Variants in SETD7 observed in about 807,000 individuals in gnomAD.
SETD7 encodes SET domain containing 7, histone lysine methyltransferase.
In SETD7, 16 loss-of-function variants were observed where a neutral mutation model predicts 41.8. That is an observed-to-expected ratio of 0.38 (90% CI 0.26 to 0.58). The LOEUF is 0.58. Ranked by LOEUF, SETD7 falls within the 20% of genes least tolerant of loss-of-function variation. SETD7 has a pLI of 0.64. For missense variants in SETD7, 346 were observed against 459.7 expected (o/e 0.75, Z 2.26); for synonymous variants, 163 against 169.7 (o/e 0.96, Z 0.31).
At chr4:139,516,453 G>A (rs1199997081) in intron 7 of SETD7, among the ~76,000 whole-genome samples, 5 of 125,088 alleles carry the variant, frequency 4.0e-5, no homozygotes, top group South Asian at 5.7e-4. Flanking sequence ...GAGACTGAGC[G>A]AGACTCTGTC....
At chr4:139,531,646 A>T (rs1727484911) in intron 3 of SETD7, among the ~76,000 whole-genome samples, 1 of 152,254 alleles carries the variant, frequency 6.6e-6, no homozygotes, top group South Asian at 2.1e-4. Context: ...GTTTTACAAC[A>T]TTCTTTTCTT....
chr4:139,502,994 G>T (rs1726614424), downstream of SETD7, among the ~76,000 whole-genome samples: 1 of 151,716 alleles, frequency 6.6e-6, no homozygotes, highest in African/African-American at 2.4e-5. Flanking sequence ...ACCAGACTGG[G>T]CGGTGAAACC....
At chr4:139,500,008 T>C (rs1394229993) in intron 7 of SETD7, among the ~76,000 whole-genome samples, 4 of 152,232 alleles carry the variant, frequency 2.6e-5, no homozygotes, top group Non-Finnish European at 5.9e-5. Context: ...AGTATAAAAA[T>C]GGCCAATTTC....
At chr4:139,502,363 G>A (rs1033779937), downstream of SETD7, among the ~76,000 whole-genome samples, 1 of 152,188 alleles carries the variant, frequency 6.6e-6, no homozygotes, top group African/African-American at 2.4e-5. Flanking sequence ...TCGGAATGCT[G>A]GGGGAGGAGA....
chr4:139,493,149 A>T (rs1159547750), downstream of SETD7, among the ~76,000 whole-genome samples: 1 of 152,210 alleles, frequency 6.6e-6, no homozygotes, highest in Non-Finnish European at 1.5e-5. Flanking sequence ...ACACAAAATA[A>T]CTGTGGATTA....
downstream of SETD7, among the ~76,000 whole-genome samples, chr4:139,501,409 A>G (rs1279711023): frequency 2.1e-5 from 3 of 141,978 alleles, no homozygotes; most frequent in Non-Finnish European, 4.6e-5. Context: ...TCAGAGTGAC[A>G]TAATGGACTT....
At chr4:139,545,811 T>C (rs745451380) in intron 2 of SETD7, among the ~76,000 whole-genome samples, 1 of 152,234 alleles carries the variant, frequency 6.6e-6, no homozygotes, top group Non-Finnish European at 1.5e-5. Flanking sequence ...CTATTACCAA[T>C]GTCAGGAGTT....
Position 139,507,364 on chromosome 4 carries a change from G to A in SETD7, c.*4299C>T, listed in dbSNP as rs770894267. On this transcript the variant is annotated 3_prime_UTR_variant, in exon 8 of 8. Coordinates refer to ENST00000274031, the MANE Select transcript of SETD7 (RefSeq NM_030648.4). ...CGGCTGAGGCACTGGGGAAGCCTACGAGCTCTCTCCACGTCAGGTGCAACA... is the reference window on the plus strand; with the variant it reads ...CGGCTGAGGCACTGGGGAAGCCTACAAGCTCTCTCCACGTCAGGTGCAACA... 3.3e-5 allele frequency: 5 copies of A among 152,504 alleles called. No homozygotes were observed. The highest frequency in any genetic ancestry group is 7.3e-5 in the Non-Finnish European group (5 of 68,044). 9.4% of individuals were successfully genotyped at this position (152,504 alleles called of 1,614,324 possible). A position where few individuals can be genotyped will look rare whatever the true frequency, so the allele number is the denominator to read the frequency against.
chr4:139,503,512 T>C (rs1335315616), downstream of SETD7, among the ~76,000 whole-genome samples: 2 of 152,156 alleles, frequency 1.3e-5, no homozygotes, highest in Non-Finnish European at 2.9e-5. Flanking sequence ...GTGGTAACAG[T>C]ACCTATATAT....
rs1380759623 is a variant in SETD7, at chr4:139,511,406, A to G, written c.*257T>C. The G allele has an allele frequency of 2.1e-6, 1 of 471,486 alleles. No individual in the cohort carries two copies. The highest frequency in any genetic ancestry group is 3.6e-6 in the Non-Finnish European group (1 of 277,636). 29.2% of individuals were successfully genotyped at this position (471,486 alleles called of 1,614,324 possible). On this transcript the variant is annotated 3_prime_UTR_variant, in exon 8 of 8. Coordinates refer to ENST00000274031, the MANE Select transcript of SETD7 (RefSeq NM_030648.4). Reference sequence around the variant, plus strand: ...GGTACAGATTTAGACTTGAACCACCAAAGAACATCACGCTGTCTTATGTCA... The same window carrying G: ...GGTACAGATTTAGACTTGAACCACCGAAGAACATCACGCTGTCTTATGTCA...
chr4:139,519,185 A>T (rs763588928), intron 6 of SETD7, among the ~76,000 whole-genome samples: 4 of 152,182 alleles, frequency 2.6e-5, no homozygotes, highest in Non-Finnish European at 5.9e-5. Context: ...GGCTGCCATT[A>T]GTTGTGTATT....
chr4:139,516,434 C>G (rs934446063), intron 7 of SETD7, among the ~76,000 whole-genome samples: 3 of 145,378 alleles, frequency 2.1e-5, no homozygotes, highest in Non-Finnish European at 4.5e-5. Flanking sequence ...CCATTGCACT[C>G]CAGCTTGGGA....
chr4:139,550,280 G>T (rs2111177117), intron 1 of SETD7, among the ~76,000 whole-genome samples: 1 of 152,286 alleles, frequency 6.6e-6, no homozygotes, highest in Admixed American at 6.5e-5. Context: ...CATTACTCTG[G>T]TGACCTTGCA....
chr4:139,522,976 A>G (rs927650473), intron 5 of SETD7, among the ~76,000 whole-genome samples: 2 of 149,668 alleles, frequency 1.3e-5, no homozygotes, highest in Non-Finnish European at 3.0e-5. Context: ...CTGGTCTTGA[A>G]CTCCTGACCT....
At chr4:139,524,364 G>C (rs1470079420) in intron 4 of SETD7, among the ~76,000 whole-genome samples, 2 of 152,238 alleles carry the variant, frequency 1.3e-5, no homozygotes. Context: ...CAGGGAATTG[G>C]TCATACAGGG....
At position 139,508,228 on chromosome 4, in the gene SETD7, T is replaced by C. The variant is rs1158435107; in HGVS notation, c.*3435A>G. 6.6e-6 allele frequency: 1 copy of C among 152,164 alleles called. No homozygotes were observed. The highest frequency in any genetic ancestry group is 1.5e-5 in the Non-Finnish European group (1 of 68,026). The allele number at this position is 152,164 out of a possible 1,614,324, so 9.4% of individuals were successfully genotyped here. On this transcript the variant is annotated 3_prime_UTR_variant, in exon 8 of 8. Coordinates refer to ENST00000274031, the MANE Select transcript of SETD7 (RefSeq NM_030648.4). ...GGTGATAAGGAAATAGTTTTTCGAG[T>C]GTGAAGAACCCCCATAGGGCAAATA...
intron 2 of SETD7, among the ~76,000 whole-genome samples, chr4:139,533,961 A>ATATGTATG (rs1238029388): frequency 2.7e-5 from 4 of 147,674 alleles, no homozygotes; most frequent in African/African-American, 1.0e-4. Flanking sequence ...GTATATCTAT[A>ATATGTATG]TATCTATGTA....
intron 2 of SETD7, chr4:139,546,383 A>G (rs1217329102): frequency 2.3e-5 from 5 of 220,118 alleles, no homozygotes; most frequent in East Asian, 1.5e-4. Flanking sequence ...AGAGGCAACA[A>G]GCTGAGAAAC....
chr4:139,530,865 A>AGGGTGAGCTTACAAGTGTGGACTGTAG (rs1727464949), intron 3 of SETD7, among the ~76,000 whole-genome samples: 1 of 152,194 alleles, frequency 6.6e-6, no homozygotes, highest in Admixed American at 6.5e-5. Context: ...CACTGTCCTT[A>AGGGTGAGCTTACAAGTGTGGACTGTAG]GGGTGAGCTT....
Sources: allele counts gnomAD v4.1 joint callset (sites outside exome capture counted in the v4.1 genomes callset), GRCh38; gene constraint gnomAD v4.1.1; transcripts MANE v1.5; gene names NCBI Gene and HGNC (gene_info 2026-07-23, HGNC 2026-07-21).